Variants in ERBIN observed in about 807,000 individuals in gnomAD.
ERBIN encodes densin-180-like protein.
A neutral mutation model predicts 158.4 loss-of-function variants in ERBIN; 60 were observed. The ratio of observed to expected loss-of-function variants is 0.38; its 90% CI spans 0.31 to 0.47. The LOEUF is 0.47. Among genes scored for constraint, ERBIN ranks in the 20% least tolerant of loss-of-function variants. ERBIN has a pLI of 0.99. For missense variants in ERBIN, 1,610 were observed against 1,648.0 expected (o/e 0.98, Z 0.40); for synonymous variants, 594 against 557.2 (o/e 1.07, Z -0.93).
chr5:66,050,844 C>A lies in ERBIN; in HGVS notation c.1965C>A (p.Asn655Lys). 8 of 1,601,710 alleles carry A rather than the reference C, an allele frequency of 5.0e-6. No individual in the cohort carries two copies. The highest frequency in any genetic ancestry group is 6.8e-6 in the Non-Finnish European group (8 of 1,175,476). The change falls in exon 20 of 26, where the codon AAC (asparagine) becomes AAA (lysine). Residue 655 changes from asparagine (N) to lysine (K), a missense_variant. Asn to Lys is a moderately conservative substitution (Grantham distance 94). Around this residue, in one of 2 missense-constraint regions of ERBIN, gnomAD observed 1,014 missense variants for 936.1 expected, o/e 1.08. Coordinates refer to ENST00000284037, the MANE Select transcript of ERBIN (RefSeq NM_001253697.2). ...DEVTHNSNQN[N>K]SNCSSPSRMS... ...TTACACACAATAGCAATCAGAATAA[C>A]AGCAATTGTTCTTCTCCATCTCGGA...
chr5:65,955,368 G>GCCTGTA (rs1329356459), intron 1 of ERBIN, among the ~76,000 whole-genome samples: 1 of 152,016 alleles, frequency 6.6e-6, no homozygotes, highest in Admixed American at 6.5e-5. Flanking sequence ...GGTGGCTCAT[G>GCCTGTA]CCTGTAATCC....
intron 1 of ERBIN, among the ~76,000 whole-genome samples, chr5:65,950,367 G>A (rs1199693339): frequency 6.6e-6 from 1 of 152,112 alleles, no homozygotes; most frequent in Middle Eastern, 3.2e-3. Context: ...TTTTTGAAGA[G>A]TACTGGTTGG....
At chr5:66,038,554 T>TTTTAAA (rs1314396596) in intron 15 of ERBIN, 72 bp downstream of exon 15, 35 of 1,142,628 alleles carry the variant, frequency 3.1e-5, no homozygotes, top group Non-Finnish European at 1.9e-5. Flanking sequence ...GAACTTTAAG[T>TTTTAAA]CTCAGAGACT....
Position 65,930,045 on chromosome 5 carries a change from C to T in ERBIN, c.-58+3239C>T, listed in dbSNP as rs533283316. On this transcript the variant is annotated intron_variant, in intron 1 of 25. Coordinates refer to ENST00000284037, the MANE Select transcript of ERBIN (RefSeq NM_001253697.2). ...GCTATTCAGCTTTCTCTTCTGATTC[C>T]CTTAGCTTCCTATATTTATAGTTAG... 2.0e-5 allele frequency among the ~76,000 whole-genome samples: 3 copies of T among 152,256 alleles called. No homozygotes were observed. The South Asian group carries it at 6.2e-4, about 32-fold the overall frequency.
At chr5:65,931,358 A>C (rs951576104) in intron 1 of ERBIN, among the ~76,000 whole-genome samples, 1 of 152,248 alleles carries the variant, frequency 6.6e-6, no homozygotes, top group Non-Finnish European at 1.5e-5. Flanking sequence ...AAAAATGGAA[A>C]GATGACTGAA....
intron 1 of ERBIN, among the ~76,000 whole-genome samples, chr5:65,965,529 C>A (rs553581946): frequency 6.6e-6 from 1 of 151,636 alleles, no homozygotes; most frequent in Non-Finnish European, 1.5e-5. Context: ...CTCAGCCTCT[C>A]AGGTAGCTGG....
intron 4 of ERBIN, among the ~76,000 whole-genome samples, chr5:66,007,839 G>A (rs1164811100): frequency 6.6e-6 from 1 of 152,104 alleles, no homozygotes; most frequent in Non-Finnish European, 1.5e-5. Flanking sequence ...AAATCTAATG[G>A]GCATTTGAAA....
At position 66,054,260 on chromosome 5, in the gene ERBIN, A is replaced by G. The variant is rs1479886281; in HGVS notation, c.2942A>G (p.Tyr981Cys). ...GGTCCTCCACAGTATAATATCCAAT[A>G]CAGTAGCAGTGCTGCAGTCAAAGAC... is the stretch of plus-strand genomic sequence containing the variant. ...IYGPPQYNIQ[Y>C]SSSAAVKDTL... The change falls in exon 21 of 26, where the codon TAC (tyrosine) becomes TGC (cysteine). Residue 981 changes from tyrosine to cysteine, a missense_variant. This residue lies in a region of ERBIN where 1,014 missense variants were observed against 936.1 expected (regional missense o/e 1.08). Coordinates refer to ENST00000284037, the MANE Select transcript of ERBIN (RefSeq NM_001253697.2). The G allele has an allele frequency of 6.2e-7, 1 of 1,614,186 alleles. No homozygotes were observed. The highest frequency in any genetic ancestry group is 1.7e-5 in the Admixed American group (1 of 60,018).
In ERBIN at chr5:66,038,463, A is replaced by G; in HGVS notation, c.1287A>G (p.Gln429=). ...TGCTTACCAACTACATGTTCCCTCA[A>G]CAGCCAAGGACTGAGGATGGTAGGA... The part of the protein sequence containing the change: ...KMVLTNYMFP[Q]QPRTEDVMFI... The change falls in exon 15 of 26, where the codon CAA becomes CAG. Residue 429 remains glutamine (Q), a synonymous_variant. Transcript: ENST00000284037. The G allele has an allele frequency of 1.2e-6, 2 of 1,608,204 alleles. No homozygotes were observed. Among genetic ancestry groups the G allele is most frequent in the South Asian group, 1.1e-5 (1 of 90,118 alleles).
intron 1 of ERBIN, among the ~76,000 whole-genome samples, chr5:65,932,923 C>T (rs945499434): frequency 6.6e-6 from 1 of 151,954 alleles, no homozygotes; most frequent in Non-Finnish European, 1.5e-5. Context: ...CACCTTCAGC[C>T]GAGACTATAG....
chr5:65,996,252 T>TG (rs1381747852), intron 4 of ERBIN, among the ~76,000 whole-genome samples: 9 of 148,532 alleles, frequency 6.1e-5, no homozygotes, highest in African/African-American at 2.3e-4. Context: ...TAGTTTTTTT[T>TG]TTTTTTTTTT....
intron 1 of ERBIN, among the ~76,000 whole-genome samples, chr5:65,978,682 A>G (rs1750307641): frequency 6.6e-6 from 1 of 152,232 alleles, no homozygotes; most frequent in East Asian, 1.9e-4. Flanking sequence ...TCCTTGAATG[A>G]CAGTGTGGGC....
At chr5:66,058,635 CCTAGGTTTTCTT>C (rs548604719) in intron 21 of ERBIN, among the ~76,000 whole-genome samples, 2,090 of 150,054 alleles carry the variant, frequency 0.014, 13 homozygotes, top group Non-Finnish European at 0.021. Context: ...AATGGTATTG[CCTAGGTTTTCTT>C]CTAGGGTTTT....
chr5:65,944,506 G>A (rs1745496771), intron 1 of ERBIN, among the ~76,000 whole-genome samples: 1 of 152,016 alleles, frequency 6.6e-6, no homozygotes, highest in African/African-American at 2.4e-5. Context: ...CCATGCTCAA[G>A]CAATCCTCCC....
intron 1 of ERBIN, among the ~76,000 whole-genome samples, chr5:65,985,120 G>T (rs1255048388): frequency 6.6e-6 from 1 of 152,202 alleles, no homozygotes; most frequent in Admixed American, 6.5e-5. Context: ...TTGAGACGGA[G>T]TCTCGGTCTG....
intron 4 of ERBIN, among the ~76,000 whole-genome samples, chr5:65,999,388 T>G (rs1408684546): frequency 6.6e-6 from 1 of 152,102 alleles, no homozygotes; most frequent in African/African-American, 2.4e-5. Flanking sequence ...AAAACAAAAG[T>G]CTTTTTGCTA....
chr5:66,077,809 C>G (rs1330941782), intron 25 of ERBIN, among the ~76,000 whole-genome samples: 1 of 134,748 alleles, frequency 7.4e-6, no homozygotes, highest in Non-Finnish European at 1.5e-5. Context: ...CACACACACA[C>G]AGTCACACTC....
intron 21 of ERBIN, among the ~76,000 whole-genome samples, chr5:66,060,324 C>T (rs886716161): frequency 1.1e-4 from 16 of 152,134 alleles, no homozygotes; most frequent in African/African-American, 3.9e-4. Context: ...AGTTTATTTG[C>T]GTAGAGGTGT....
chr5:66,033,521 A>G (rs896236499), intron 14 of ERBIN, among the ~76,000 whole-genome samples: 2 of 152,188 alleles, frequency 1.3e-5, no homozygotes, highest in African/African-American at 4.8e-5. Context: ...TTAATAGGAT[A>G]AATGCTGTTG....
Sources: allele counts gnomAD v4.1 joint callset (sites outside exome capture counted in the v4.1 genomes callset), GRCh38; gene constraint gnomAD v4.1.1; regional missense constraint gnomAD v4.1.1; transcripts MANE v1.5; gene names NCBI Gene and HGNC (gene_info 2026-07-23, HGNC 2026-07-21).